Variants in APOBEC3D observed in about 807,000 individuals in gnomAD.
The protein encoded by APOBEC3D is DNA dC->dU-editing enzyme APOBEC-3D.
Under a neutral mutation model 45.6 loss-of-function variants are expected in APOBEC3D, and 37 were observed. That is an observed-to-expected ratio of 0.81 (90% confidence interval 0.62 to 1.07). The LOEUF is 1.07. APOBEC3D is among the 50% of genes least tolerant of loss of function. The probability of loss-of-function intolerance (pLI) is 0.00; values close to 1 mark genes in which losing one functional copy is unlikely to be tolerated. For synonymous variants in APOBEC3D, 175 were observed against 180.7 expected (o/e 0.97, Z 0.25); for missense variants, 496 against 495.3 (o/e 1.00, Z -0.01).
intron 4 of APOBEC3D, among the ~76,000 whole-genome samples, chr22:39,028,106 A>G (rs1925860461): frequency 6.6e-6 from 1 of 152,182 alleles, no homozygotes; most frequent in South Asian, 2.1e-4. Flanking sequence ...TCTCTGTACC[A>G]GAAAATAAGT....
chr22:39,022,938 G>A lies in APOBEC3D; in HGVS notation c.134G>A (p.Arg45His), dbSNP rs760101782. ...TATGAAGTGAAAATAAAGAGGGGCC[G>A]CTCAAATCTCCTTTGGGACACAGGG... ...LCYEVKIKRG[R>H]SNLLWDTGVF... is the part of the protein sequence containing the mutation. Residue 45 changes from arginine to histidine, a missense_variant, in exon 2 of 7, where the codon CGC becomes CAC. Transcript: ENST00000216099. The A allele has an allele frequency of 2.0e-5, 33 of 1,613,720 alleles. No homozygotes were observed. Among genetic ancestry groups the A allele is most frequent in the Non-Finnish European group, 2.7e-5 (32 of 1,179,898 alleles).
Position 39,029,425 on chromosome 22 carries a change from C to T in APOBEC3D, c.668C>T (p.Ala223Val). The T allele has an allele frequency of 2.5e-6, 4 of 1,614,170 alleles. No individual in the cohort carries two copies. The highest frequency in any genetic ancestry group is 3.4e-6 in the Non-Finnish European group (4 of 1,180,030). ...FYFHFKNLLKACGRNESWLCF... is the reference protein window; with the variant it reads ...FYFHFKNLLKVCGRNESWLCF... ...TTCCACTTTAAAAACCTACTGAAAGCCTGTGGTCGGAACGAAAGCTGGCTG... is the reference window on the plus strand; with the variant it reads ...TTCCACTTTAAAAACCTACTGAAAGTCTGTGGTCGGAACGAAAGCTGGCTG... The change falls in exon 5 of 7, where the codon GCC becomes GTC. Residue 223 changes from alanine to valine, a missense_variant. Coordinates refer to ENST00000216099, the MANE Select transcript of APOBEC3D (RefSeq NM_152426.4).
chr22:39,022,552 G>T (rs570451320), intron 1 of APOBEC3D, among the ~76,000 whole-genome samples: 58 of 152,336 alleles, frequency 3.8e-4, no homozygotes, highest in Non-Finnish European at 7.1e-4. Context: ...GGGAGTGGGT[G>T]GGCAGAAATA....
In APOBEC3D at chr22:39,031,842, T is replaced by C. The variant is rs1356764269; in HGVS notation, c.911T>C (p.Leu304Pro). 1.1e-5 allele frequency: 17 copies of C among 1,614,056 alleles called. No homozygotes were observed. The highest frequency in any genetic ancestry group is 1.4e-5 in the Non-Finnish European group (17 of 1,180,040). ...TGTGCAGGGGAGGTGGCCGAGTTCC[T>C]GGCCAGGCACAGCAACGTGAATCTC... ...PECAGEVAEF[L>P]ARHSNVNLTI... is the part of the protein sequence containing the mutation. Residue 304 changes from leucine to proline, a missense_variant, in exon 6 of 7, where the codon CTG becomes CCG. Physicochemically the swap from Leu to Pro is moderately conservative, Grantham distance 98. Transcript: ENST00000216099.
At position 39,029,534 on chromosome 22, in the gene APOBEC3D, C is replaced by A. The variant is rs756715114; in HGVS notation, c.762+15C>A. 12 of 1,614,080 alleles carry A rather than the reference C, an allele frequency of 7.4e-6. No homozygotes were observed. The highest frequency in any genetic ancestry group is 3.3e-5 in the Admixed American group (2 of 60,020). ...TCCGAAACCAGGTAGCACCAAAGTCCTATTTACACCCTAAATAGGAGCTAA... is the reference window on the plus strand; with the variant it reads ...TCCGAAACCAGGTAGCACCAAAGTCATATTTACACCCTAAATAGGAGCTAA... On this transcript the variant is annotated intron_variant, in intron 5 of 6. Transcript: ENST00000216099.
chr22:39,033,237 C>G lies in APOBEC3D; in HGVS notation c.*921C>G, dbSNP rs567221158. 2 of 976,740 alleles carry G rather than the reference C, an allele frequency of 2.0e-6. No individual in the cohort carries two copies. Among genetic ancestry groups the G allele is most frequent in the African/African-American group, 3.5e-5 (2 of 57,148 alleles). 60.5% of individuals were successfully genotyped at this position (976,740 alleles called of 1,614,324 possible). ...GCCTGAAAATAAATCAATAAATACACTCAACCTAAATGGATATGAATATAT... is the reference window on the plus strand; with the variant it reads ...GCCTGAAAATAAATCAATAAATACAGTCAACCTAAATGGATATGAATATAT... On this transcript the variant is annotated 3_prime_UTR_variant, in exon 7 of 7. Transcript: ENST00000216099.
intron 5 of APOBEC3D, among the ~76,000 whole-genome samples, chr22:39,031,126 G>A (rs1261539580): frequency 2.6e-5 from 4 of 151,896 alleles, no homozygotes; most frequent in Admixed American, 1.3e-4. Context: ...AGATCGTGCC[G>A]TTGCACTCCC....
At position 39,025,824 on chromosome 22, in the gene APOBEC3D, C is replaced by T. The variant is rs572450909; in HGVS notation, c.605+153C>T. 4.3e-5 allele frequency: 63 copies of T among 1,468,622 alleles called. No individual in the cohort carries two copies. The African/African-American group carries it at 7.7e-4, about 18-fold the overall frequency. The allele number at this position is 1,468,622 out of a possible 1,614,324, so 91.0% of individuals were successfully genotyped here. A position where few individuals can be genotyped will look rare whatever the true frequency, so the allele number is the denominator to read the frequency against. The stretch of plus-strand genomic sequence containing the variant: ...CTCACCCACACTCCTCATGCTCCCT[C>T]CACCTTGGTGCCTCCCCCCTGCTTT... On this transcript the variant is annotated intron_variant, in intron 4 of 6. Coordinates refer to ENST00000216099, the MANE Select transcript of APOBEC3D (RefSeq NM_152426.4).
rs568619595 is a variant in APOBEC3D at position 39,029,095 on chromosome 22, G to A, written c.606-268G>A. On this transcript the variant is annotated intron_variant, in intron 4 of 6. Transcript: ENST00000216099. ...TTTCCTAATGGGTTGGGAGATGTGT[G>A]GCAGAAAAACTGGGAGGTTGAGGGT... Among the ~76,000 whole-genome samples the A allele has an allele frequency of 3.3e-5, 5 of 152,280 alleles. No individual in the cohort carries two copies. In the South Asian group the frequency reaches 1.0e-3, roughly 32 times the overall value.
At chr22:39,025,460 C>T in intron 3 of APOBEC3D, 97 bp from the exon 4 acceptor site, 4 of 1,613,930 alleles carry the variant, frequency 2.5e-6, no homozygotes, top group Non-Finnish European at 3.4e-6. Flanking sequence ...AGGGGTGGGG[C>T]TGGCACTGAT....
intron 4 of APOBEC3D, among the ~76,000 whole-genome samples, chr22:39,027,669 T>C (rs780687102): frequency 2.7e-4 from 41 of 152,208 alleles, no homozygotes; most frequent in Non-Finnish European, 1.9e-4. Context: ...GTTCTGCCCA[T>C]GGGGCCTCTG....
intron 1 of APOBEC3D, among the ~76,000 whole-genome samples, chr22:39,022,301 C>T (rs1925196360): frequency 6.6e-6 from 1 of 152,212 alleles, no homozygotes; most frequent in Non-Finnish European, 1.5e-5. Context: ...CCTCTCTGTG[C>T]CTCTGACCCC....
At chr22:39,029,225 C>G in intron 4 of APOBEC3D, 138 bp from the exon 5 acceptor site, 1 of 1,004,940 alleles carries the variant, frequency 1.0e-6, no homozygotes, top group Admixed American at 2.5e-5. Context: ...AGTCTTCCTG[C>G]CTGGGAAAGC....
rs776871620 is a variant in APOBEC3D at position 39,031,983 on chromosome 22, G to T, written c.1042+10G>T. On this transcript the variant is annotated intron_variant, in intron 6 of 6. Transcript: ENST00000216099. ...ATCATGGGCTACAAAGGTGAGACGT[G>T]GGGGGCTGAGGAGAGTGGGTGCGGG... The T allele has an allele frequency of 3.1e-6, 5 of 1,613,764 alleles. No individual in the cohort carries two copies. The East Asian group carries it at 6.7e-5, about 22-fold the overall frequency.
chr22:39,021,446 C>T lies in APOBEC3D; in HGVS notation c.-74C>T, dbSNP rs987237370. ...GGAGGGCTGTCCAACTGCAAGGAGCCGCAAGCAGGAAGTGAAACCACAGCA... is the reference window on the plus strand; with the variant it reads ...GGAGGGCTGTCCAACTGCAAGGAGCTGCAAGCAGGAAGTGAAACCACAGCA... On this transcript the variant is annotated 5_prime_UTR_variant, in exon 1 of 7. Coordinates refer to ENST00000216099, the MANE Select transcript of APOBEC3D (RefSeq NM_152426.4). 26 of 1,610,064 alleles carry T rather than the reference C, an allele frequency of 1.6e-5. No individual in the cohort carries two copies. Among genetic ancestry groups the T allele is most frequent in the Middle Eastern group, 1.6e-4 (1 of 6,074 alleles).
In APOBEC3D at chr22:39,022,845, G is replaced by C; in HGVS notation, c.41G>C (p.Arg14Pro). Residue 14 changes from arginine (R) to proline (P), a missense_variant, in exon 2 of 7, where the codon CGA becomes CCA. Arg to Pro is a moderately radical substitution (Grantham distance 103, BLOSUM62 -2). Transcript: ENST00000216099. ...AGAAATCCGATGGAGCGGATGTATC[G>C]AGACACATTCTACGACAACTTTGAA... Reference protein sequence around the residue: ...QIRNPMERMYRDTFYDNFENE... With the variant: ...QIRNPMERMYPDTFYDNFENE... 10 of 1,609,966 alleles carry C rather than the reference G, an allele frequency of 6.2e-6. No individual in the cohort carries two copies. Among genetic ancestry groups the C allele is most frequent in the Non-Finnish European group, 8.5e-6 (10 of 1,178,694 alleles).
In APOBEC3D at chr22:39,031,912, C is replaced by T. The variant is rs768975289; in HGVS notation, c.981C>T (p.Tyr327=). 6.2e-7 allele frequency: 1 copy of T among 1,614,176 alleles called. No individual in the cohort carries two copies. The highest frequency in any genetic ancestry group is 8.5e-7 in the Non-Finnish European group (1 of 1,180,048). Residue 327 remains tyrosine (Y), a synonymous_variant, in exon 6 of 7, where the codon TAC becomes TAT. Transcript: ENST00000216099. ...ARLCYFWDTD[Y]QEGLCSLSQE... ...TCTGCTACTTCTGGGATACAGATTA[C>T]CAGGAGGGGCTCTGCAGCCTGAGTC...
Position 39,032,533 on chromosome 22 carries a change from C to G in APOBEC3D, c.*217C>G. On this transcript the variant is annotated 3_prime_UTR_variant, in exon 7 of 7. Coordinates refer to ENST00000216099, the MANE Select transcript of APOBEC3D (RefSeq NM_152426.4). ...CTCCATCCACCTCCCCAGTCCTGTT[C>G]CCCCAGCCTGGGTGCCCCTAACTTG... The G allele has an allele frequency of 5.4e-6, 7 of 1,292,604 alleles. No individual in the cohort carries two copies. In the South Asian group the frequency reaches 1.8e-4, roughly 33 times the overall value. 80.1% of individuals were successfully genotyped at this position (1,292,604 alleles called of 1,614,324 possible).
At chr22:39,021,571 G>C (rs374324581) in intron 1 of APOBEC3D, 35 bp downstream of exon 1, 2 of 1,611,528 alleles carry the variant, frequency 1.2e-6, no homozygotes, top group African/African-American at 2.7e-5. Flanking sequence ...GGGCCCCTCC[G>C]GCCCCTTCCT....
Sources: gnomAD v4.1 joint callset for allele counts (sites outside exome capture counted in the v4.1 genomes callset) on GRCh38, gnomAD v4.1.1 for gene constraint, MANE v1.5 for transcripts, NCBI Gene and HGNC (gene_info 2026-07-23, HGNC 2026-07-21) for gene names.